EVC: variants seen among roughly 807,000 people sequenced by gnomAD.
EVC encodes evC complex member EVC.
In EVC, 116 loss-of-function variants were observed where a neutral mutation model predicts 118.9. The observed-to-expected ratio is 0.98, with a 90% confidence interval of 0.84 to 1.14. The LOEUF is 1.14. Ranked by LOEUF, EVC falls within the 50% of genes most tolerant of loss-of-function variation. EVC has a pLI of 0.00. For missense variants in EVC, 1,401 were observed against 1,246.4 expected (o/e 1.12, Z -1.87); for synonymous variants, 619 against 534.7 (o/e 1.16, Z -2.18).
intron 14 of EVC, among the ~76,000 whole-genome samples, chr4:5,797,670 C>T (rs1714234908): frequency 1.3e-5 from 2 of 152,210 alleles, no homozygotes; most frequent in African/African-American, 2.4e-5. Flanking sequence ...TTTTGAAGTA[C>T]TTGGGGTCAG....
rs773133950 is a variant in EVC at position 5,756,404 on chromosome 4, C to G, written c.1563+42C>G. The G allele has an allele frequency of 6.5e-7, 1 of 1,529,716 alleles. No homozygotes were observed. Among genetic ancestry groups the G allele is most frequent in the Non-Finnish European group, 8.9e-7 (1 of 1,117,478 alleles). The allele number at this position is 1,529,716 out of a possible 1,614,324, so 94.8% of individuals were successfully genotyped here. A position where few individuals can be genotyped will look rare whatever the true frequency, so the allele number is the denominator to read the frequency against. On this transcript the variant is annotated intron_variant, in intron 11 of 20. Transcript: ENST00000264956. The surrounding 1 kb of genome is among the most constrained non-coding windows in gnomAD (Gnocchi z 4.2). The stretch of plus-strand genomic sequence containing the variant: ...GGGACCAGCAGAGAAGCCCCAGGGT[C>G]TGTGTGTGTGCGAGAACCTCACATC...
intron 15 of EVC, chr4:5,801,731 C>T (rs1336271635): frequency 2.1e-5 from 11 of 532,774 alleles, no homozygotes; most frequent in East Asian, 9.8e-5. Flanking sequence ...TCCCTAACAT[C>T]GCATTTCATT....
chr4:5,714,730 A>G (rs190510094), intron 1 of EVC, among the ~76,000 whole-genome samples: 74 of 152,318 alleles, frequency 4.9e-4, no homozygotes, highest in African/African-American at 1.5e-3. Context: ...AGTTGTGGTC[A>G]TGAATACCTT....
rs910433654 is a variant in EVC at position 5,732,082 on chromosome 4, G to A, written c.617+425G>A. 5.7e-5 allele frequency among the ~76,000 whole-genome samples: 8 copies of A among 141,292 alleles called. No individual in the cohort carries two copies. In the South Asian group the frequency reaches 1.2e-3, roughly 21 times the overall value. 92.7% of individuals were successfully genotyped at this position (141,292 alleles called of 152,430 possible). ...ATTAATCAGTGAGTGAATGAATTCC[G>A]TTTAACACCCCTATGAAGTTGGTAC... On this transcript the variant is annotated intron_variant, in intron 4 of 20. Coordinates refer to ENST00000264956, the MANE Select transcript of EVC (RefSeq NM_153717.3).
In EVC at chr4:5,802,102, AC is replaced by A. The variant is rs398092136; in HGVS notation, c.2449+15del. 547,652 of 1,613,564 alleles carry A rather than the reference AC, an allele frequency of 0.34. 97,169 individuals are homozygous for A. Among genetic ancestry groups the A allele is most frequent in the South Asian group, 0.53 (47,962 of 91,058 alleles). On this transcript the variant is annotated intron_variant, in intron 16 of 20. Transcript: ENST00000264956. ...ACCTGAAGACCCTGCAGGGTACGGG[AC>A]CCCCCCTCAGGGAAGCCCCAGAAGA...
At chr4:5,729,237 G>T in intron 2 of EVC, 70 bp from the exon 3 acceptor site, 1 of 1,474,030 alleles carries the variant, frequency 6.8e-7, no homozygotes, top group Non-Finnish European at 9.5e-7. Context: ...GTGGCATTTT[G>T]GAAAAACTTG....
chr4:5,810,425 G>A lies in EVC; in HGVS notation c.2869G>A (p.Gly957Arg), dbSNP rs35926225. Residue 957 changes from glycine to arginine, a missense_variant, in exon 20 of 21, where the codon GGG becomes AGG. Gly to Arg is a moderately radical substitution (Grantham distance 125, BLOSUM62 -2). Coordinates refer to ENST00000264956, the MANE Select transcript of EVC (RefSeq NM_153717.3). ...GVPNNEDLAS[G>R]DQTSGSLSSK... ...GCCCAACAATGAGGACCTTGCCTCC[G>A]GGGACCAGACCTCAGGCTCACTCAG... 1,619 of 1,612,612 alleles carry A rather than the reference G, an allele frequency of 1.0e-3. No individual in the cohort carries two copies. The highest frequency in any genetic ancestry group is 2.4e-3 in the African/African-American group (183 of 75,022).
chr4:5,811,742 C>A lies in EVC; in HGVS notation c.*705C>A, dbSNP rs978697615. On this transcript the variant is annotated 3_prime_UTR_variant, in exon 21 of 21. Transcript: ENST00000264956. ...TGGAGAGAAACTTCCAGACCAGCCC[C>A]TCATACCACAGCCAAGAGGGGCCTT... 2 of 152,456 alleles carry A rather than the reference C, an allele frequency of 1.3e-5. No homozygotes were observed. Among genetic ancestry groups the A allele is most frequent in the Non-Finnish European group, 2.9e-5 (2 of 69,282 alleles). 9.4% of individuals were successfully genotyped at this position (152,456 alleles called of 1,614,324 possible).
the EVC span, chr4:5,825,814 T>C: frequency 1.4e-6 from 1 of 692,800 alleles, no homozygotes; most frequent in Non-Finnish European, 2.4e-6. This position sits in a 1 kb window ranked among gnomAD's most constrained non-coding sequence, Gnocchi z 4.4. Context: ...ACAGGTGCAC[T>C]TCACACACAT....
intron 1 of EVC, among the ~76,000 whole-genome samples, chr4:5,715,740 C>CCTT (rs1553860016): frequency 0.06 from 4,289 of 70,944 alleles, 572 homozygotes; most frequent in African/African-American, 0.17. Flanking sequence ...TTTCCATTGT[C>CCTT]TTTTTTTTTT....
In EVC at chr4:5,711,395, G is replaced by A; in HGVS notation, c.15G>A (p.Gly5=). 9.9e-7 allele frequency: 1 copy of A among 1,014,704 alleles called. No homozygotes were observed. Among genetic ancestry groups the A allele is most frequent in the Non-Finnish European group, 1.2e-6 (1 of 851,828 alleles). The allele number at this position is 1,014,704 out of a possible 1,614,324, so 62.9% of individuals were successfully genotyped here. A position where few individuals can be genotyped will look rare whatever the true frequency, so the allele number is the denominator to read the frequency against. The stretch of plus-strand genomic sequence containing the variant: ...GAGCGCCCCGGATGGCCCGCGGCGG[G>A]GCGGCCTGCAAGAGCGACGCGCGGC... MARG[G]AACKSDARLL... The change falls in exon 1 of 21, where the codon GGG becomes GGA. Residue 5 remains glycine (G), a synonymous_variant. Transcript: ENST00000264956.
Position 5,811,335 on chromosome 4 carries a change from G to A in EVC, c.*298G>A. ...TCCCCAAGGAGGGACGTCTTGAGGG[G>A]TCCGAGCCTCAGGCCAAGGACCCCT... On this transcript the variant is annotated 3_prime_UTR_variant, in exon 21 of 21. Coordinates refer to ENST00000264956, the MANE Select transcript of EVC (RefSeq NM_153717.3). The A allele has an allele frequency of 2.5e-6, 1 of 405,418 alleles. No individual in the cohort carries two copies. Among genetic ancestry groups the A allele is most frequent in the South Asian group, 2.2e-5 (1 of 44,700 alleles). 25.1% of individuals were successfully genotyped at this position (405,418 alleles called of 1,614,324 possible).
At chr4:5,807,354 C>T (rs550594621) in intron 17 of EVC, among the ~76,000 whole-genome samples, 13 of 152,204 alleles carry the variant, frequency 8.5e-5, no homozygotes, top group African/African-American at 2.4e-4. Flanking sequence ...GTGTTACTGG[C>T]GGACAGAAGA....
chr4:5,721,214 C>T (rs1041355231), intron 2 of EVC, among the ~76,000 whole-genome samples: 5 of 152,062 alleles, frequency 3.3e-5, no homozygotes, highest in African/African-American at 1.2e-4. Context: ...AACTTGTACA[C>T]AAATGTTCAA....
chr4:5,750,151 G>A (rs939984780), intron 8 of EVC, among the ~76,000 whole-genome samples: 12 of 152,054 alleles, frequency 7.9e-5, no homozygotes, highest in Non-Finnish European at 1.6e-4. Flanking sequence ...TAAGATCCCC[G>A]TCCTCTCTAA....
chr4:5,733,568 G>A (rs951077477), intron 5 of EVC, 133 bp downstream of exon 5: 3 of 846,862 alleles, frequency 3.5e-6, no homozygotes, highest in Non-Finnish European at 6.0e-6. Flanking sequence ...TGAGGTGGGG[G>A]AAAGCGGCGC....
chr4:5,748,574 A>ATCCATCCG (rs1416990184), intron 8 of EVC, among the ~76,000 whole-genome samples: 3 of 102,958 alleles, frequency 2.9e-5, no homozygotes, highest in African/African-American at 1.2e-4. Context: ...TTATCCATCC[A>ATCCATCCG]TCCATCCACC....
At chr4:5,753,103 C>G in intron 9 of EVC, 51 bp downstream of exon 9, 1 of 1,509,030 alleles carries the variant, frequency 6.6e-7, no homozygotes, top group East Asian at 2.4e-5. Context: ...CTTCTGGGTC[C>G]CTGGGGCTGT....
chr4:5,733,253 G>T, intron 4 of EVC, 98 bp from the exon 5 acceptor site: 2 of 927,136 alleles, frequency 2.2e-6, no homozygotes, highest in Non-Finnish European at 3.5e-6. Context: ...TTGAGGCAGG[G>T]TGTGCTGTGG....
Sources: allele counts gnomAD v4.1 joint callset (sites outside exome capture counted in the v4.1 genomes callset), GRCh38; gene constraint gnomAD v4.1.1; non-coding constraint Gnocchi (gnomAD v3.1); transcripts MANE v1.5; gene names NCBI Gene and HGNC (gene_info 2026-07-23, HGNC 2026-07-21).